Variants in TMTC1 observed in about 807,000 individuals in gnomAD.
TMTC1 encodes the protein transmembrane O-mannosyltransferase targeting cadherins 1, also known as protein O-mannosyl-transferase TMTC1.
Under a neutral mutation model 104.8 loss-of-function variants are expected in TMTC1, and 73 were observed. The ratio of observed to expected loss-of-function variants is 0.70; its 90% CI spans 0.58 to 0.85. The LOEUF (loss-of-function observed/expected upper bound fraction) is 0.85. Among genes scored for constraint, TMTC1 ranks in the 40% least tolerant of loss-of-function variants. The pLI is 0.00. For synonymous variants in TMTC1, 434 were observed against 428.7 expected, an observed-to-expected ratio of 1.01 and a Z score of -0.15; for missense variants, 1,035 against 1,096.1, an observed-to-expected ratio of 0.94 and a Z score of 0.79.
intron 5 of TMTC1, among the ~76,000 whole-genome samples, chr12:29,657,498 G>T (rs1939814121): frequency 6.6e-6 from 1 of 152,118 alleles, no homozygotes; most frequent in South Asian, 2.1e-4. Flanking sequence ...ATTTATACAG[G>T]TTCTACACTG....
intron 5 of TMTC1, among the ~76,000 whole-genome samples, chr12:29,716,981 C>T (rs1025688128): frequency 6.6e-6 from 1 of 152,092 alleles, no homozygotes; most frequent in African/African-American, 2.4e-5. Context: ...AGCCACTGCA[C>T]TCCAGACTCC....
intron 5 of TMTC1, among the ~76,000 whole-genome samples, chr12:29,690,785 A>G (rs1196112009): frequency 1.3e-5 from 2 of 152,230 alleles, no homozygotes; most frequent in Admixed American, 6.5e-5. Context: ...AATATTTGTT[A>G]CCCCTTAATA....
intron 5 of TMTC1, among the ~76,000 whole-genome samples, chr12:29,747,957 C>T (rs995984653): frequency 2.6e-5 from 4 of 152,184 alleles, no homozygotes; most frequent in Non-Finnish European, 4.4e-5. Flanking sequence ...ACTATGATAA[C>T]GTTGCCTCTT....
chr12:29,565,327 C>T (rs1349798618), intron 9 of TMTC1, among the ~76,000 whole-genome samples: 4 of 152,136 alleles, frequency 2.6e-5, no homozygotes, highest in Non-Finnish European at 5.9e-5. Context: ...CCAAGAGGCA[C>T]CTTTGTAGGA....
chr12:29,643,704 A>T lies in TMTC1; in HGVS notation c.939-10368T>A, dbSNP rs1565733627. 3.0e-3 allele frequency among the ~76,000 whole-genome samples: 99 copies of T among 33,012 alleles called. 35 individuals carry two copies. Among genetic ancestry groups the T allele is most frequent in the African/African-American group, 0.013 (99 of 7,836 alleles). The allele number at this position is 33,012 out of a possible 152,430, so 21.7% of individuals were successfully genotyped here. A position where few individuals can be genotyped will look rare whatever the true frequency, so the allele number is the denominator to read the frequency against. On this transcript the variant is annotated intron_variant, in intron 5 of 17. Coordinates refer to ENST00000539277, the MANE Select transcript of TMTC1 (RefSeq NM_001193451.2). ...ATATTATATATATTATATATATTAT[A>T]TATTATATATATAATATATAAATAT... is the stretch of plus-strand genomic sequence containing the variant.
chr12:29,675,135 TGTACA>T (rs1940675617), intron 5 of TMTC1, among the ~76,000 whole-genome samples: 1 of 151,458 alleles, frequency 6.6e-6, no homozygotes, highest in Non-Finnish European at 1.5e-5. Context: ...CATGGTACTT[TGTACA>T]GTAGTCATTT....
At position 29,525,158 on chromosome 12, in the gene TMTC1, CTTTTTTTTTTTTTTTTTTTTTTTTT is replaced by C. The variant is rs56395403; in HGVS notation, c.1786-4463_1786-4439del. Among the ~76,000 whole-genome samples, 36 of 46,160 alleles carry C rather than the reference CTTTTTTTTTTTTTTTTTTTTTTTTT, an allele frequency of 7.8e-4. 1 individual carries two copies. Among genetic ancestry groups the C allele is most frequent in the South Asian group, 2.1e-3 (2 of 974 alleles). 30.3% of individuals were successfully genotyped at this position (46,160 alleles called of 152,430 possible). A position where few individuals can be genotyped will look rare whatever the true frequency, so the allele number is the denominator to read the frequency against. ...CTGTAGTGTGGGTGGCAAGGGCAGT[CTTTTTTTTTTTTTTTTTTTTTTTTT>C]TTTTTTTTTTTTTTTTTGAGATGGA... On this transcript the variant is annotated intron_variant, in intron 11 of 17. Coordinates refer to ENST00000539277, the MANE Select transcript of TMTC1 (RefSeq NM_001193451.2).
At chr12:29,567,996 CT>C (rs1945565115) in intron 9 of TMTC1, among the ~76,000 whole-genome samples, 1 of 152,168 alleles carries the variant, frequency 6.6e-6, no homozygotes, top group African/African-American at 2.4e-5. Context: ...TCCTTTATTA[CT>C]TTCTTTTTCC....
At chr12:29,549,418 T>C (rs1466317134) in intron 10 of TMTC1, among the ~76,000 whole-genome samples, 1 of 152,096 alleles carries the variant, frequency 6.6e-6, no homozygotes, top group African/African-American at 2.4e-5. Flanking sequence ...GGAAGGTCTT[T>C]CTGGGGTGAT....
chr12:29,668,343 C>T (rs1022128483), intron 5 of TMTC1, among the ~76,000 whole-genome samples: 5 of 151,896 alleles, frequency 3.3e-5, no homozygotes, highest in South Asian at 4.2e-4. Flanking sequence ...TTTACAAGGG[C>T]GTTGACTAAT....
chr12:29,664,506 C>T (rs1318677154), intron 5 of TMTC1, among the ~76,000 whole-genome samples: 1 of 152,174 alleles, frequency 6.6e-6, no homozygotes, highest in Non-Finnish European at 1.5e-5. Flanking sequence ...AACAAACTTT[C>T]CCCATCAGTC....
At chr12:29,582,395 T>G (rs2136326996) in intron 8 of TMTC1, among the ~76,000 whole-genome samples, 1 of 152,352 alleles carries the variant, frequency 6.6e-6, no homozygotes, top group Admixed American at 6.5e-5. Context: ...AGGAGGCTTC[T>G]TGGTCAGATC....
intron 1 of TMTC1, among the ~76,000 whole-genome samples, chr12:29,777,759 T>C (rs1482005380): frequency 6.6e-6 from 1 of 152,236 alleles, no homozygotes; most frequent in Admixed American, 6.5e-5. Flanking sequence ...CATTTTCCCT[T>C]GGTTATTTCT....
intron 10 of TMTC1, among the ~76,000 whole-genome samples, chr12:29,537,688 A>C (rs1346563763): frequency 3.9e-5 from 6 of 152,170 alleles, no homozygotes; most frequent in Non-Finnish European, 5.9e-5. Flanking sequence ...CTGCGATTTC[A>C]GCAGAACTGT....
chr12:29,678,355 G>A (rs1036786640), intron 5 of TMTC1, among the ~76,000 whole-genome samples: 2 of 152,158 alleles, frequency 1.3e-5, no homozygotes, highest in African/African-American at 4.8e-5. Context: ...ATGGCCATGT[G>A]ACTGAATTCT....
chr12:29,654,301 G>A (rs1939654287), intron 5 of TMTC1, among the ~76,000 whole-genome samples: 1 of 152,148 alleles, frequency 6.6e-6, no homozygotes. Flanking sequence ...CATCAACGTA[G>A]TTCCAAAGAA....
intron 5 of TMTC1, among the ~76,000 whole-genome samples, chr12:29,663,423 T>C (rs2136652040): frequency 6.6e-6 from 1 of 152,324 alleles, no homozygotes; most frequent in Non-Finnish European, 1.5e-5. Context: ...TTCCCTCTGT[T>C]GCCTGTTTAT....
intron 1 of TMTC1, among the ~76,000 whole-genome samples, chr12:29,780,860 A>G (rs952417667): frequency 6.6e-6 from 1 of 152,210 alleles, no homozygotes; most frequent in African/African-American, 2.4e-5. Flanking sequence ...AGTTTTTAAA[A>G]CGGGTTTGAA....
At chr12:29,754,293 A>G (rs1943164043) in intron 4 of TMTC1, among the ~76,000 whole-genome samples, 1 of 152,194 alleles carries the variant, frequency 6.6e-6, no homozygotes, top group Non-Finnish European at 1.5e-5. Flanking sequence ...AAAAGAGACA[A>G]GTATCCCTTT....
Sources: gnomAD v4.1 joint callset for allele counts (sites outside exome capture counted in the v4.1 genomes callset) on GRCh38, gnomAD v4.1.1 for gene constraint, MANE v1.5 for transcripts, NCBI Gene and HGNC (gene_info 2026-07-23, HGNC 2026-07-21) for gene names.